EVC: variants seen among roughly 807,000 people sequenced by gnomAD.
The protein encoded by EVC is evC complex member EVC.
In EVC, 116 loss-of-function variants were observed where a neutral mutation model predicts 118.9. The observed-to-expected ratio is 0.98, with a 90% CI of 0.84 to 1.14. EVC has a LOEUF of 1.14. Among genes scored for constraint, EVC ranks in the 50% most tolerant of loss-of-function variants. The probability of loss-of-function intolerance (pLI) is 0.00; values close to 1 mark genes in which losing one functional copy is unlikely to be tolerated. For synonymous variants in EVC, 619 were observed against 534.7 expected (o/e 1.16, Z -2.18); for missense variants, 1,401 against 1,246.4 (o/e 1.12, Z -1.87).
intron 11 of EVC, among the ~76,000 whole-genome samples, chr4:5,767,260 C>T (rs1025051627): frequency 1.3e-5 from 2 of 151,346 alleles, no homozygotes; most frequent in African/African-American, 2.4e-5. Flanking sequence ...TGCCTGTTCT[C>T]AGATCTCCAG....
intron 12 of EVC, chr4:5,793,403 C>T (rs996676911): frequency 3.5e-5 from 21 of 600,278 alleles, no homozygotes; most frequent in African/African-American, 1.1e-4. Context: ...TTAAAATTTT[C>T]GTATTTGCAT....
At chr4:5,730,252 C>G (rs962780606) in intron 3 of EVC, among the ~76,000 whole-genome samples, 1 of 152,142 alleles carries the variant, frequency 6.6e-6, no homozygotes. Context: ...CATCTGAGCA[C>G]TCACAACATG....
chr4:5,753,931 G>A lies in EVC; in HGVS notation c.1462G>A (p.Glu488Lys), dbSNP rs146232611. ...GACTGCTGACCCGGAAAAGTTTCTC[G>A]AGGTGACTCACATCCCCAGCCTCTG... The part of the protein sequence containing the change: ...QPTADPEKFL[E>K]AFHEVLERQR... The change falls in exon 10 of 21, where the codon GAG (glutamate) becomes AAG (lysine). Residue 488 changes from glutamate (E) to lysine (K), a missense_variant and splice_region_variant. Coordinates refer to ENST00000264956, the MANE Select transcript of EVC (RefSeq NM_153717.3). 113 of 1,612,896 alleles carry A rather than the reference G, an allele frequency of 7.0e-5. 1 individual carries two copies. The South Asian group carries it at 1.1e-3, about 15-fold the overall frequency.
At chr4:5,821,203 G>C in the EVC span, 1 of 152,686 alleles carries the variant, frequency 6.5e-6, no homozygotes, top group Non-Finnish European at 1.5e-5. The surrounding 1 kb of genome is among the most constrained non-coding windows in gnomAD (Gnocchi z 4.4). Context: ...GGATCTCACA[G>C]GTGGAGGTGG....
intron 11 of EVC, among the ~76,000 whole-genome samples, chr4:5,764,279 T>C (rs1370959531): frequency 7.1e-6 from 1 of 140,742 alleles, no homozygotes; most frequent in Admixed American, 7.0e-5. Flanking sequence ...ATAAGCTTTT[T>C]GATGTGCTGC....
intron 11 of EVC, among the ~76,000 whole-genome samples, chr4:5,783,075 G>A (rs939456891): frequency 1.3e-5 from 2 of 151,828 alleles, no homozygotes; most frequent in Non-Finnish European, 2.9e-5. Flanking sequence ...GCATCCCAAG[G>A]CTGTGCGTGT....
the EVC span, among the ~76,000 whole-genome samples, chr4:5,827,186 GCTGA>G: frequency 6.6e-6 from 1 of 152,220 alleles, no homozygotes; most frequent in Non-Finnish European, 1.5e-5. Flanking sequence ...CCTCACGGAA[GCTGA>G]CTGTTAACCG....
In EVC at chr4:5,812,631, G is replaced by C; in HGVS notation, c.*1594G>C. ...CCTCTCACCACAGCCAGGAGAGGCC[G>C]TTCCCACCTGGAGGGAAAATTGCTC... is the stretch of plus-strand genomic sequence containing the variant. On this transcript the variant is annotated 3_prime_UTR_variant, in exon 21 of 21. Coordinates refer to ENST00000264956, the MANE Select transcript of EVC (RefSeq NM_153717.3). 1 of 171,890 alleles carries C rather than the reference G, an allele frequency of 5.8e-6. No individual in the cohort carries two copies. Among genetic ancestry groups the C allele is most frequent in the South Asian group, 1.3e-4 (1 of 7,562 alleles). The allele number at this position is 171,890 out of a possible 1,614,324, so 10.6% of individuals were successfully genotyped here. A position where few individuals can be genotyped will look rare whatever the true frequency, so the allele number is the denominator to read the frequency against.
chr4:5,820,979 C>CA, the EVC span: 1 of 152,274 alleles, frequency 6.6e-6, no homozygotes, highest in Non-Finnish European at 1.5e-5. Context: ...CATCAGCCCC[C>CA]CATCGTCAGC....
the EVC span, among the ~76,000 whole-genome samples, chr4:5,827,731 G>A: frequency 5.5e-4 from 63 of 114,224 alleles, 1 homozygote; most frequent in East Asian, 0.012. Flanking sequence ...ACATGTGCGC[G>A]TGCACACACA....
intron 2 of EVC, among the ~76,000 whole-genome samples, chr4:5,728,573 G>A (rs937149255): frequency 6.6e-6 from 1 of 152,046 alleles, no homozygotes; most frequent in African/African-American, 2.4e-5. Context: ...ATTTCCTAAA[G>A]TTTCTTCTCT....
intron 11 of EVC, among the ~76,000 whole-genome samples, chr4:5,779,061 C>T (rs1181307239): frequency 6.6e-6 from 1 of 152,180 alleles, no homozygotes; most frequent in Admixed American, 6.5e-5. Context: ...CTCCATATGG[C>T]TAGCCAGTTT....
chr4:5,733,616 CG>C (rs1727202350), intron 5 of EVC, among the ~76,000 whole-genome samples, 181 bp downstream of exon 5: 1 of 152,130 alleles, frequency 6.6e-6, no homozygotes, highest in Non-Finnish European at 1.5e-5. Flanking sequence ...AAGCACTTCA[CG>C]CCTGTTGGTG....
chr4:5,712,028 C>G (rs1011857969), intron 1 of EVC, among the ~76,000 whole-genome samples: 1 of 152,238 alleles, frequency 6.6e-6, no homozygotes, highest in Non-Finnish European at 1.5e-5. Context: ...TAAAAGTTTT[C>G]AGGCACCTTC....
At chr4:5,748,087 C>CGGTTG in intron 7 of EVC, 61 bp from the exon 8 acceptor site, 1 of 1,579,210 alleles carries the variant, frequency 6.3e-7, no homozygotes, top group Non-Finnish European at 8.7e-7. Context: ...GAGCACGCAC[C>CGGTTG]GTTTGGCTTT....
At chr4:5,716,783 G>C (rs2151822131) in intron 1 of EVC, among the ~76,000 whole-genome samples, 1 of 152,292 alleles carries the variant, frequency 6.6e-6, no homozygotes, top group Non-Finnish European at 1.5e-5. Flanking sequence ...TAGGGCAAGG[G>C]ATTTGCAGGC....
At position 5,810,444 on chromosome 4, in the gene EVC, C is replaced by CA; in HGVS notation, c.2889dup (p.Leu964ThrfsTer12). 6.2e-7 allele frequency: 1 copy of CA among 1,610,372 alleles called. No homozygotes were observed. The highest frequency in any genetic ancestry group is 1.3e-5 in the African/African-American group (1 of 75,014). On this transcript the variant is annotated frameshift_variant, in exon 20 of 21. Transcript: ENST00000264956. LOFTEE classifies it low-confidence loss of function (END_TRUNC). Reference sequence around the variant, plus strand: ...GCCTCCGGGGACCAGACCTCAGGCTCACTCAGGTATGACTGGGCCCCGGAC... The same window carrying CA: ...GCCTCCGGGGACCAGACCTCAGGCTCAACTCAGGTATGACTGGGCCCCGGAC...
At chr4:5,821,149 C>T in the EVC span, 1 of 152,716 alleles carries the variant, frequency 6.5e-6, no homozygotes, top group African/African-American at 2.4e-5. This position sits in a 1 kb window ranked among gnomAD's most constrained non-coding sequence, Gnocchi z 4.4. Context: ...GGATGCTTCT[C>T]TGCAACCTAG....
At chr4:5,739,973 T>G (rs1330431058) in intron 5 of EVC, among the ~76,000 whole-genome samples, 2 of 151,198 alleles carry the variant, frequency 1.3e-5, no homozygotes. Flanking sequence ...ATGACCATAT[T>G]ATATCTAAAT....
Sources: allele counts gnomAD v4.1 joint callset (sites outside exome capture counted in the v4.1 genomes callset), GRCh38; gene constraint gnomAD v4.1.1; non-coding constraint Gnocchi (gnomAD v3.1); transcripts MANE v1.5; gene names NCBI Gene and HGNC (gene_info 2026-07-23, HGNC 2026-07-21).